ATP9B: variants seen among roughly 807,000 people sequenced by gnomAD.
ATP9B encodes the protein probable phospholipid-transporting ATPase IIB.
Under a neutral mutation model 146.1 loss-of-function variants are expected in ATP9B, and 110 were observed. The observed-to-expected ratio is 0.75, with a 90% CI of 0.65 to 0.88. ATP9B has a LOEUF of 0.88. Ranked by LOEUF, ATP9B falls within the 40% of genes least tolerant of loss-of-function variation. ATP9B has a pLI of 0.00. For synonymous variants in ATP9B, 604 were observed against 569.7 expected (o/e 1.06, Z -0.86); for missense variants, 1,499 against 1,496.4 (o/e 1.00, Z -0.03).
chr18:79,300,448 C>T (rs1384277021), intron 13 of ATP9B, among the ~76,000 whole-genome samples: 9 of 152,190 alleles, frequency 5.9e-5, no homozygotes, highest in Non-Finnish European at 8.8e-5. Flanking sequence ...CGGGGCCAGA[C>T]AGGCCCCTTG....
At chr18:79,348,358 T>C (rs2096903696) in intron 25 of ATP9B, among the ~76,000 whole-genome samples, 162 bp downstream of exon 25, 1 of 152,130 alleles carries the variant, frequency 6.6e-6, no homozygotes, top group South Asian at 2.1e-4. Context: ...TGGGTGAACT[T>C]CAAGACAGCA....
Position 79,126,480 on chromosome 18 carries a change from T to C in ATP9B, c.667+105T>C, listed in dbSNP as rs560475213. ...AACATTTTAATTCTATTATTGAAAA[T>C]AGTATTATGTGATTGTATATGATAT... On this transcript the variant is annotated intron_variant, in intron 5 of 29. Transcript: ENST00000426216. The C allele has an allele frequency of 1.7e-4, 129 of 772,230 alleles. 3 individuals are homozygous for C. The South Asian group carries it at 2.6e-3, about 15-fold the overall frequency. 47.8% of individuals were successfully genotyped at this position (772,230 alleles called of 1,614,324 possible).
At chr18:79,207,550 G>A (rs931154731) in intron 10 of ATP9B, among the ~76,000 whole-genome samples, 1 of 152,186 alleles carries the variant, frequency 6.6e-6, no homozygotes, top group Non-Finnish European at 1.5e-5. Context: ...GAGAAATTAG[G>A]TGATGCTGAG....
rs371921196 is a variant in ATP9B at position 79,118,389 on chromosome 18, TG to T, written c.558+5036del. On this transcript the variant is annotated intron_variant, in intron 4 of 29. Transcript: ENST00000426216. The stretch of plus-strand genomic sequence containing the variant: ...AAAACACAATCATATTGAACGTTTT[TG>T]TTTTTTTTTTTTTTTTTTTTTTTTT... Among the ~76,000 whole-genome samples, 695 of 108,424 alleles carry T rather than the reference TG, an allele frequency of 6.4e-3. 61 individuals carry two copies. Among genetic ancestry groups the T allele is most frequent in the African/African-American group, 0.014 (340 of 25,082 alleles). The allele number at this position is 108,424 out of a possible 152,430, so 71.1% of individuals were successfully genotyped here. A position where few individuals can be genotyped will look rare whatever the true frequency, so the allele number is the denominator to read the frequency against.
intron 15 of ATP9B, among the ~76,000 whole-genome samples, chr18:79,308,234 G>A (rs931992923): frequency 2.0e-5 from 3 of 152,006 alleles, no homozygotes; most frequent in Non-Finnish European, 4.4e-5. Context: ...ACTGTGGGTG[G>A]GATTGGAACA....
At chr18:79,089,174 G>A (rs2074106490) in intron 1 of ATP9B, among the ~76,000 whole-genome samples, 1 of 152,082 alleles carries the variant, frequency 6.6e-6, no homozygotes, top group South Asian at 2.1e-4. Context: ...CTGCTCGGGA[G>A]ATGGGTGCAG....
intron 17 of ATP9B, among the ~76,000 whole-genome samples, chr18:79,334,060 T>A (rs576185539): frequency 6.6e-6 from 1 of 152,266 alleles, no homozygotes; most frequent in East Asian, 1.9e-4. Context: ...TTAGCCCTAA[T>A]AAGTTGAAAC....
chr18:79,285,555 C>T (rs1026053768), intron 13 of ATP9B, among the ~76,000 whole-genome samples: 8 of 152,024 alleles, frequency 5.3e-5, no homozygotes, highest in Admixed American at 5.2e-4. Flanking sequence ...AATTTTCTCC[C>T]ATTTTGTAGG....
chr18:79,364,696 GA>G (rs986766822), intron 26 of ATP9B, among the ~76,000 whole-genome samples: 1 of 152,038 alleles, frequency 6.6e-6, no homozygotes. Context: ...ATCCTTAAAG[GA>G]AAAAAATAAT....
intron 5 of ATP9B, among the ~76,000 whole-genome samples, chr18:79,129,742 C>T (rs2147235627): frequency 6.6e-6 from 1 of 151,842 alleles, no homozygotes; most frequent in East Asian, 1.9e-4. Context: ...GTCCAGTTTT[C>T]TTTTTTTCTT....
chr18:79,362,051 GC>G (rs1218058307), intron 26 of ATP9B: 1 of 152,394 alleles, frequency 6.6e-6, no homozygotes, highest in Non-Finnish European at 1.5e-5. Context: ...ACCGGCGAGT[GC>G]CGGTCCAGTC....
intron 10 of ATP9B, among the ~76,000 whole-genome samples, chr18:79,210,712 C>G (rs973158617): frequency 6.6e-6 from 1 of 152,168 alleles, no homozygotes; most frequent in African/African-American, 2.4e-5. Context: ...GCAGTGCACA[C>G]TGGGGTTCTG....
At chr18:79,190,787 C>G (rs1199468932) in intron 8 of ATP9B, among the ~76,000 whole-genome samples, 1 of 152,158 alleles carries the variant, frequency 6.6e-6, no homozygotes, top group Non-Finnish European at 1.5e-5. Context: ...CTCATGTGAT[C>G]CACCTGCCAC....
intron 1 of ATP9B, among the ~76,000 whole-genome samples, chr18:79,083,133 G>A (rs964307734): frequency 6.6e-6 from 1 of 152,186 alleles, no homozygotes; most frequent in African/African-American, 2.4e-5. Context: ...GAGGCAGTCT[G>A]GCTACAGTGG....
intron 1 of ATP9B, among the ~76,000 whole-genome samples, chr18:79,088,420 T>A (rs1268498835): frequency 1.3e-5 from 2 of 152,192 alleles, no homozygotes; most frequent in Non-Finnish European, 2.9e-5. Flanking sequence ...AAGAAAAAAA[T>A]GACATTTTAA....
intron 11 of ATP9B, among the ~76,000 whole-genome samples, chr18:79,216,443 A>C (rs2095627912): frequency 6.6e-6 from 1 of 152,226 alleles, no homozygotes; most frequent in Non-Finnish European, 1.5e-5. Context: ...GGTCATGCTC[A>C]TGCACACGTT....
At chr18:79,353,900 A>C (rs891086142) in intron 25 of ATP9B, 4 of 152,240 alleles carry the variant, frequency 2.6e-5, no homozygotes, top group African/African-American at 9.6e-5. Flanking sequence ...GAAGTACAAC[A>C]GTGTTGTACA....
intron 1 of ATP9B, among the ~76,000 whole-genome samples, chr18:79,079,184 G>A (rs1295265067): frequency 6.6e-6 from 1 of 152,124 alleles, no homozygotes; most frequent in African/African-American, 2.4e-5. Context: ...CCCAGTAATG[G>A]GATTGCTGGG....
intron 13 of ATP9B, 79 bp from the exon 14 acceptor site, chr18:79,303,525 A>AT: frequency 8.9e-7 from 1 of 1,121,230 alleles, no homozygotes; most frequent in Non-Finnish European, 1.3e-6. Flanking sequence ...AATGTGCAGC[A>AT]TGCCTGCATG....
Sources: allele counts gnomAD v4.1 joint callset (sites outside exome capture counted in the v4.1 genomes callset), GRCh38; gene constraint gnomAD v4.1.1; transcripts MANE v1.5; gene names NCBI Gene and HGNC (gene_info 2026-07-23, HGNC 2026-07-21).